The following EXOC1 variants were observed in gnomAD, a reference collection of about 807,000 sequenced individuals.
The protein encoded by EXOC1 is exocyst complex component 1.
EXOC1 carries 67 observed loss-of-function variants against 107.7 expected under a neutral mutation model. The ratio of observed to expected loss-of-function variants is 0.62; its 90% CI spans 0.51 to 0.76. The LOEUF (loss-of-function observed/expected upper bound fraction) is 0.76, where lower values mean the gene tolerates loss of function less well. Among genes scored for constraint, EXOC1 ranks in the 30% least tolerant of loss-of-function variants. EXOC1 has a pLI of 0.00. For synonymous variants in EXOC1, 348 were observed against 353.5 expected, an observed-to-expected ratio of 0.98 and a Z score of 0.17; for missense variants, 833 against 1,055.7, an observed-to-expected ratio of 0.79 and a Z score of 2.92.
chr4:55,892,667 A>G lies in EXOC1; in HGVS notation c.1680A>G (p.Leu560=), dbSNP rs765411438. The G allele has an allele frequency of 3.1e-6, 5 of 1,614,050 alleles. No homozygotes were observed. Among genetic ancestry groups the G allele is most frequent in the East Asian group, 2.2e-5 (1 of 44,898 alleles). The change falls in exon 14 of 19, where the codon TTA becomes TTG. Residue 560 remains leucine (L), a synonymous_variant. Coordinates refer to ENST00000381295, the MANE Select transcript of EXOC1 (RefSeq NM_001024924.2). ...AEAEDLDGGT[L]SRQHNCGTPL... ...CAGAGGACCTGGATGGAGGAACATT[A>G]TCACGGCAACATAATTGTGGCACAC...
chr4:55,880,557 CAT>C lies in EXOC1; in HGVS notation c.1224+2493_1224+2494del, dbSNP rs1278186751. ...AGGATTAATATTCTGAATAATTAAA[CAT>C]AAATTATATTTCCTTAAGAGTTTTG... is the stretch of plus-strand genomic sequence containing the variant. On this transcript the variant is annotated intron_variant, in intron 9 of 18. Coordinates refer to ENST00000381295, the MANE Select transcript of EXOC1 (RefSeq NM_001024924.2). Among the ~76,000 whole-genome samples the C allele has an allele frequency of 2.6e-5, 4 of 152,260 alleles. No individual in the cohort carries two copies. In the South Asian group the frequency reaches 6.2e-4, roughly 24 times the overall value.
intron 3 of EXOC1, among the ~76,000 whole-genome samples, chr4:55,862,874 A>G (rs1721603897): frequency 6.6e-6 from 1 of 152,126 alleles, no homozygotes; most frequent in Admixed American, 6.5e-5. Context: ...GATGTGAAGT[A>G]TACATCCATA....
At chr4:55,858,668 T>C (rs1473025776) in intron 2 of EXOC1, among the ~76,000 whole-genome samples, 1 of 152,214 alleles carries the variant, frequency 6.6e-6, no homozygotes, top group Non-Finnish European at 1.5e-5. Context: ...TTCCCTATAA[T>C]GATGAGATTG....
intron 10 of EXOC1, among the ~76,000 whole-genome samples, chr4:55,884,897 T>G (rs958280236): frequency 6.6e-6 from 1 of 152,176 alleles, no homozygotes; most frequent in African/African-American, 2.4e-5. Flanking sequence ...CTCACTGTTT[T>G]TAAAAAAATG....
At chr4:55,879,738 C>T (rs1270707975) in intron 9 of EXOC1, among the ~76,000 whole-genome samples, 2 of 152,000 alleles carry the variant, frequency 1.3e-5, no homozygotes, top group African/African-American at 2.4e-5. Context: ...TAGTCAAATA[C>T]GTAAATAGCT....
rs1282914484 is a variant in EXOC1, at chr4:55,892,038, A to G, written c.1648-597A>G. ...TGAAGAACTTAAAAACAGTGCAAATAAAGTGTTTTTTAAATTATCATCTCA... is the reference window on the plus strand; with the variant it reads ...TGAAGAACTTAAAAACAGTGCAAATGAAGTGTTTTTTAAATTATCATCTCA... On this transcript the variant is annotated intron_variant, in intron 13 of 18. Transcript: ENST00000381295. Among the ~76,000 whole-genome samples the G allele has an allele frequency of 2.0e-5, 3 of 152,222 alleles. No individual in the cohort carries two copies. The East Asian group carries it at 5.8e-4, about 29-fold the overall frequency.
Position 55,902,442 on chromosome 4 carries a change from C to A in EXOC1, c.2436C>A (p.Val812=). The stretch of plus-strand genomic sequence containing the variant: ...TTAACAAACAAGAACTTCGTAAAGT[C>A]ATTAAGGAGTACCCTGGAAAGGAAG... ...LAFNKQELRK[V]IKEYPGKEVK... is the part of the protein sequence containing the mutation. Residue 812 remains valine, a synonymous_variant, in exon 18 of 19, where the codon GTC becomes GTA. Transcript: ENST00000381295. The A allele has an allele frequency of 6.3e-7, 1 of 1,592,902 alleles. No individual in the cohort carries two copies. Among genetic ancestry groups the A allele is most frequent in the South Asian group, 1.1e-5 (1 of 87,500 alleles).
Position 55,899,824 on chromosome 4 carries a change from C to T in EXOC1, c.2277C>T (p.Tyr759=). Residue 759 remains tyrosine, a synonymous_variant, in exon 17 of 19, where the codon TAC becomes TAT. Coordinates refer to ENST00000381295, the MANE Select transcript of EXOC1 (RefSeq NM_001024924.2). ...EAEKKEAKQK[Y]TDHLQSYVIY... Reference sequence around the variant, plus strand: ...AAAAAAAAGAAGCCAAACAAAAATACACAGATCACCTTCAGTCTTATGTCA... The same window carrying T: ...AAAAAAAAGAAGCCAAACAAAAATATACAGATCACCTTCAGTCTTATGTCA... 1.2e-6 allele frequency: 2 copies of T among 1,613,152 alleles called. No homozygotes were observed. Among genetic ancestry groups the T allele is most frequent in the Non-Finnish European group, 1.7e-6 (2 of 1,179,638 alleles).
At chr4:55,885,613 C>T (rs1469901749) in intron 10 of EXOC1, 2 of 152,084 alleles carry the variant, frequency 1.3e-5, no homozygotes, top group African/African-American at 4.8e-5. Flanking sequence ...TTTAGCAGCA[C>T]ATATACTAAA....
At position 55,868,509 on chromosome 4, in the gene EXOC1, C is replaced by T. The variant is rs767444415; in HGVS notation, c.589C>T (p.Gln197Ter). 1 of 1,613,278 alleles carries T rather than the reference C, an allele frequency of 6.2e-7. No individual in the cohort carries two copies. Among genetic ancestry groups the T allele is most frequent in the Non-Finnish European group, 8.5e-7 (1 of 1,179,490 alleles). ...TGCAGAAAAATTGTCCAGAGAGCTG[C>T]AGGTGCTAGATGGGGTAAGACTTTC... The part of the protein sequence containing the change: ...AFAEKLSREL[Q>*]VLDGANIQSI... The change falls in exon 5 of 19, where the codon CAG becomes TAG. Residue 197 changes from glutamine (Q) to a stop codon, truncating the protein, a stop_gained. Coordinates refer to ENST00000381295, the MANE Select transcript of EXOC1 (RefSeq NM_001024924.2). LOFTEE classifies it high-confidence loss of function.
chr4:55,869,607 A>G (rs1296826094), intron 5 of EXOC1, among the ~76,000 whole-genome samples: 1 of 152,224 alleles, frequency 6.6e-6, no homozygotes, highest in African/African-American at 2.4e-5. Context: ...ACAAGTTTAC[A>G]GAGTTCACTG....
At chr4:55,859,906 G>T (rs1050844888) in intron 2 of EXOC1, among the ~76,000 whole-genome samples, 1 of 152,086 alleles carries the variant, frequency 6.6e-6, no homozygotes. Context: ...TTTGTATTAG[G>T]CCATTCTTGC....
At chr4:55,857,628 GTT>G (rs1364330455) in intron 1 of EXOC1, among the ~76,000 whole-genome samples, 1 of 151,154 alleles carries the variant, frequency 6.6e-6, no homozygotes, top group Admixed American at 6.6e-5. Flanking sequence ...GTGGACATAT[GTT>G]TTCAGTTCTC....
intron 11 of EXOC1, among the ~76,000 whole-genome samples, chr4:55,889,528 T>G (rs979903627): frequency 6.6e-6 from 1 of 152,204 alleles, no homozygotes; most frequent in African/African-American, 2.4e-5. Flanking sequence ...TGTCCCATAT[T>G]AATATGATTA....
chr4:55,902,010 A>G (rs1725993985), intron 17 of EXOC1: 1 of 160,442 alleles, frequency 6.2e-6, no homozygotes, highest in South Asian at 2.0e-4. Context: ...ATCTAGTACT[A>G]GAGGAATGAA....
chr4:55,855,633 T>C (rs894943091), intron 1 of EXOC1, among the ~76,000 whole-genome samples: 2 of 152,162 alleles, frequency 1.3e-5, no homozygotes, highest in Non-Finnish European at 2.9e-5. Flanking sequence ...TAGAAATTAC[T>C]CTTTGCGTGG....
chr4:55,875,388 G>A (rs1040924129), intron 8 of EXOC1: 79 of 953,184 alleles, frequency 8.3e-5, no homozygotes, highest in Non-Finnish European at 9.6e-5. Context: ...GAATAAGTAA[G>A]TATGCCATAA....
intron 9 of EXOC1, among the ~76,000 whole-genome samples, chr4:55,880,380 G>A (rs1005016053): frequency 2.0e-5 from 3 of 151,016 alleles, no homozygotes; most frequent in Non-Finnish European, 2.9e-5. Context: ...GATTATTTTA[G>A]TTCCTCAGAA....
intron 16 of EXOC1, among the ~76,000 whole-genome samples, chr4:55,897,669 G>A (rs1187373132): frequency 6.6e-6 from 1 of 152,160 alleles, no homozygotes; most frequent in Non-Finnish European, 1.5e-5. Context: ...AGGTTGGAGT[G>A]CGGTGGCATA....
Sources: allele counts gnomAD v4.1 joint callset (sites outside exome capture counted in the v4.1 genomes callset), GRCh38; gene constraint gnomAD v4.1.1; transcripts MANE v1.5; gene names NCBI Gene and HGNC (gene_info 2026-07-23, HGNC 2026-07-21).